Variants in NFE2L3 observed in about 807,000 individuals in gnomAD.
NFE2L3 encodes nuclear factor erythroid 2-related factor 3.
NFE2L3 carries 18 observed loss-of-function variants against 23.5 expected under a neutral mutation model. The ratio of observed to expected loss-of-function variants is 0.77; its 90% confidence interval spans 0.53 to 1.13. The LOEUF (loss-of-function observed/expected upper bound fraction) is 1.13. Ranked by LOEUF, NFE2L3 falls within the 50% of genes most tolerant of loss-of-function variation. The pLI is 0.00. For synonymous variants in NFE2L3, 424 were observed against 354.5 expected, an observed-to-expected ratio of 1.20 and a Z score of -2.20; for missense variants, 1,152 against 877.2, an observed-to-expected ratio of 1.31 and a Z score of -3.96.
chr7:26,180,267 G>A (rs1328746260), intron 2 of NFE2L3, among the ~76,000 whole-genome samples: 4 of 152,146 alleles, frequency 2.6e-5, no homozygotes, highest in African/African-American at 9.7e-5. Flanking sequence ...GGGGTAGAGA[G>A]CACACCCCAA....
chr7:26,180,575 C>CTGT (rs1784489663), intron 2 of NFE2L3, among the ~76,000 whole-genome samples: 1 of 152,178 alleles, frequency 6.6e-6, no homozygotes, highest in Non-Finnish European at 1.5e-5. Flanking sequence ...ATTCACAGCT[C>CTGT]TGTTTGAGGG....
chr7:26,168,135 CT>C (rs1042546018), intron 1 of NFE2L3, among the ~76,000 whole-genome samples: 5 of 147,644 alleles, frequency 3.4e-5, no homozygotes, highest in African/African-American at 7.5e-5. Flanking sequence ...TCATTCTTGT[CT>C]TTTTTTTTCT....
At chr7:26,181,913 T>A (rs6958604) in intron 2 of NFE2L3, among the ~76,000 whole-genome samples, 243 of 152,116 alleles carry the variant, frequency 1.6e-3, no homozygotes, top group African/African-American at 5.2e-3. Context: ...CTAAGAAAAT[T>A]ATCTAGAATA....
intron 3 of NFE2L3, 50 bp downstream of exon 3, chr7:26,183,834 CT>C (rs1562679268): frequency 2.5e-6 from 3 of 1,188,398 alleles, no homozygotes; most frequent in South Asian, 1.2e-5. Flanking sequence ...CTGCACTGAC[CT>C]TTTGGTGAAC....
At position 26,186,108 on chromosome 7, in the gene NFE2L3, T is replaced by G. The variant is rs1252430259; in HGVS notation, c.*325T>G. On this transcript the variant is annotated 3_prime_UTR_variant, in exon 4 of 4. Transcript: ENST00000056233. ...TCCTTTTTAAGAGTAAGTTGGTTAC[T>G]TCAAAAAGAGCAAACACTGGGGATC... The G allele has an allele frequency of 4.9e-6, 1 of 203,838 alleles. No homozygotes were observed. The highest frequency in any genetic ancestry group is 9.8e-6 in the Non-Finnish European group (1 of 102,370). The allele number at this position is 203,838 out of a possible 1,614,324, so 12.6% of individuals were successfully genotyped here.
In NFE2L3 at chr7:26,153,085, A is replaced by T; in HGVS notation, c.570+17A>T. On this transcript the variant is annotated intron_variant, in intron 1 of 3. Transcript: ENST00000056233. ...GCGAGCGAGGTAGGTGCAGAGCGGG[A>T]AGCGAGCGAAGTGCGGCGTCTACGC... 6.6e-7 allele frequency: 1 copy of T among 1,511,458 alleles called. No homozygotes were observed. Among genetic ancestry groups the T allele is most frequent in the Non-Finnish European group, 8.8e-7 (1 of 1,135,002 alleles). 93.6% of individuals were successfully genotyped at this position (1,511,458 alleles called of 1,614,324 possible).
rs1453537599 is a variant in NFE2L3, at chr7:26,186,094, AG to A, written c.*312del. 3.6e-5 allele frequency: 8 copies of A among 220,924 alleles called. No homozygotes were observed. In the East Asian group the frequency reaches 7.7e-4, roughly 21 times the overall value. 13.7% of individuals were successfully genotyped at this position (220,924 alleles called of 1,614,324 possible). A position where few individuals can be genotyped will look rare whatever the true frequency, so the allele number is the denominator to read the frequency against. ...CATCTTGGCAGCCATCCTTTTTAAG[AG>A]TAAGTTGGTTACTTCAAAAAGAGCA... On this transcript the variant is annotated 3_prime_UTR_variant, in exon 4 of 4. Transcript: ENST00000056233.
At position 26,184,798 on chromosome 7, in the gene NFE2L3, C is replaced by CG. The variant is rs1449948576; in HGVS notation, c.1102dup (p.Val368GlyfsTer2). The CG allele has an allele frequency of 6.2e-7, 1 of 1,613,912 alleles. No homozygotes were observed. The highest frequency in any genetic ancestry group is 8.5e-7 in the Non-Finnish European group (1 of 1,179,824). On this transcript the variant is annotated frameshift_variant, in exon 4 of 4. Transcript: ENST00000056233. LOFTEE classifies it low-confidence loss of function (END_TRUNC). ...ACTAATTTGACAGGATTTCTTTCAC[C>CG]GGTTGACAATCATATGAGGAATCTA...
At chr7:26,167,712 G>T (rs1784271369) in intron 1 of NFE2L3, among the ~76,000 whole-genome samples, 1 of 152,150 alleles carries the variant, frequency 6.6e-6, no homozygotes, top group Admixed American at 6.6e-5. Context: ...TCATTGAGTT[G>T]AGAAGAAAAA....
At chr7:26,177,464 G>T (rs1456936933) in intron 1 of NFE2L3, among the ~76,000 whole-genome samples, 1 of 152,210 alleles carries the variant, frequency 6.6e-6, no homozygotes, top group Non-Finnish European at 1.5e-5. Flanking sequence ...AGGCATGGCG[G>T]CGCGTCCCTG....
chr7:26,183,992 G>A (rs1782407155), intron 3 of NFE2L3: 2 of 521,130 alleles, frequency 3.8e-6, no homozygotes, highest in South Asian at 2.9e-5. Flanking sequence ...GACTAGTCAT[G>A]GAAAACAGCG....
At chr7:26,168,545 TAG>T (rs1784286264) in intron 1 of NFE2L3, among the ~76,000 whole-genome samples, 1 of 148,080 alleles carries the variant, frequency 6.8e-6, no homozygotes, top group South Asian at 2.1e-4. Flanking sequence ...ATATATAATA[TAG>T]AGATTATATA....
chr7:26,166,115 G>A (rs1240969214), intron 1 of NFE2L3, among the ~76,000 whole-genome samples: 1 of 140,862 alleles, frequency 7.1e-6, no homozygotes, highest in East Asian at 2.2e-4. Context: ...GTGTGATGCA[G>A]TGTGAAGCGA....
intron 1 of NFE2L3, among the ~76,000 whole-genome samples, chr7:26,168,971 G>T (rs1185698424): frequency 6.6e-6 from 1 of 152,176 alleles, no homozygotes; most frequent in Non-Finnish European, 1.5e-5. Context: ...CAGCTACTGG[G>T]TAGGATAGGT....
chr7:26,159,587 A>G (rs757371), intron 1 of NFE2L3, among the ~76,000 whole-genome samples: 83,157 of 152,020 alleles, frequency 0.55, 23,444 homozygotes, highest in East Asian at 0.69. Context: ...CAGAACTTCA[A>G]AGATACCATG....
chr7:26,154,275 T>C (rs930406968), intron 1 of NFE2L3, among the ~76,000 whole-genome samples: 1 of 152,136 alleles, frequency 6.6e-6, no homozygotes, highest in East Asian at 1.9e-4. Context: ...CACTCACTCA[T>C]CCAATCTGGA....
intron 3 of NFE2L3, 172 bp from the exon 4 acceptor site, chr7:26,184,361 T>C (rs1482280377): frequency 5.2e-6 from 3 of 582,008 alleles, no homozygotes; most frequent in Non-Finnish European, 6.0e-6. Flanking sequence ...TGATTTGGAC[T>C]CACATCTCGT....
In NFE2L3 at chr7:26,152,664, G is replaced by A. The variant is rs748882173; in HGVS notation, c.166G>A (p.Ala56Thr). 6.7e-7 allele frequency: 1 copy of A among 1,492,544 alleles called. No individual in the cohort carries two copies. The highest frequency in any genetic ancestry group is 8.9e-7 in the Non-Finnish European group (1 of 1,128,690). The allele number at this position is 1,492,544 out of a possible 1,614,324, so 92.5% of individuals were successfully genotyped here. A position where few individuals can be genotyped will look rare whatever the true frequency, so the allele number is the denominator to read the frequency against. ...GTTCCTGGGCGGCCCGGCCAGCTCCGCCTACGCGCTCAGCCCCTTCTCGGC... is the reference window on the plus strand; with the variant it reads ...GTTCCTGGGCGGCCCGGCCAGCTCCACCTACGCGCTCAGCCCCTTCTCGGC... ...LLFLGGPASS[A>T]YALSPFSASG... The change falls in exon 1 of 4, where the codon GCC becomes ACC. Residue 56 changes from alanine to threonine, a missense_variant. Ala to Thr is a moderately conservative substitution (Grantham distance 58). Coordinates refer to ENST00000056233, the MANE Select transcript of NFE2L3 (RefSeq NM_004289.7). The surrounding 1 kb of genome is among the most constrained non-coding windows in gnomAD (Gnocchi z 4.4).
rs1784379960 is a variant in NFE2L3 at position 26,175,144 on chromosome 7, AGACCAT to A, written c.571-2798_571-2793del. Among the ~76,000 whole-genome samples the A allele has an allele frequency of 2.0e-5, 3 of 149,262 alleles. No homozygotes were observed. The South Asian group carries it at 6.4e-4, about 32-fold the overall frequency. The stretch of plus-strand genomic sequence containing the variant: ...GACGGATCATGAGGTCAGGAGATTG[AGACCAT>A]CCTGGCTAACATGGTGAAACCCCGT... On this transcript the variant is annotated intron_variant, in intron 1 of 3. Coordinates refer to ENST00000056233, the MANE Select transcript of NFE2L3 (RefSeq NM_004289.7).
Sources: allele counts gnomAD v4.1 joint callset (sites outside exome capture counted in the v4.1 genomes callset), GRCh38; gene constraint gnomAD v4.1.1; non-coding constraint Gnocchi (gnomAD v3.1); transcripts MANE v1.5; gene names NCBI Gene and HGNC (gene_info 2026-07-23, HGNC 2026-07-21).